Variants in AHSA1 observed in about 807,000 individuals in gnomAD.
AHSA1 encodes the protein activator of 90 kDa heat shock protein ATPase homolog 1.
A neutral mutation model predicts 46.1 loss-of-function variants in AHSA1; 14 were observed. That is an observed-to-expected ratio of 0.30 (90% CI 0.20 to 0.47). The LOEUF (loss-of-function observed/expected upper bound fraction) is 0.47. AHSA1 is among the 20% of genes least tolerant of loss of function. AHSA1 has a pLI of 0.99. For missense variants in AHSA1, 333 were observed against 415.9 expected, an observed-to-expected ratio of 0.80 and a Z score of 1.73; for synonymous variants, 147 against 145.8, an observed-to-expected ratio of 1.01 and a Z score of -0.06.
At position 77,462,183 on chromosome 14, in the gene AHSA1, T is replaced by G. The variant is rs766450478; in HGVS notation, c.295T>G (p.Tyr99Asp). ...AGGTACTTCTAAGTCAGGAGTACAA[T>G]ACAAAGGACATGTGGAGATCCCCAA... ...WTGTSKSGVQ[Y>D]KGHVEIPNLS... Residue 99 changes from tyrosine (Y) to aspartate (D), a missense_variant, in exon 3 of 9, where the codon TAC becomes GAC. Physicochemically the swap from Tyr to Asp is radical, Grantham distance 160. Coordinates refer to ENST00000216479, the MANE Select transcript of AHSA1 (RefSeq NM_012111.3). The G allele has an allele frequency of 3.8e-5, 61 of 1,613,190 alleles. No homozygotes were observed. The highest frequency in any genetic ancestry group is 5.3e-5 in the African/African-American group (4 of 74,900).
intron 2 of AHSA1, chr14:77,460,212 G>A (rs1271924394): frequency 4.6e-6 from 1 of 216,524 alleles, no homozygotes; most frequent in Non-Finnish European, 9.4e-6. Flanking sequence ...CTGCGCTAAT[G>A]AAGCTTGTGT....
Position 77,469,108 on chromosome 14 carries a change from C to A in AHSA1, c.876C>A (p.Ile292=). ...TTGCCACCATCACCTTGACCTTCAT[C>A]GACAAGAACGGAGAGACTGAGCTGT... The part of the protein sequence containing the change: ...GHFATITLTF[I]DKNGETELCM... Residue 292 remains isoleucine, a synonymous_variant, in exon 9 of 9, where the codon ATC becomes ATA. Transcript: ENST00000216479. 6.2e-7 allele frequency: 1 copy of A among 1,614,136 alleles called. No homozygotes were observed. The highest frequency in any genetic ancestry group is 8.5e-7 in the Non-Finnish European group (1 of 1,180,020).
rs1000486366 is a variant in AHSA1 at position 77,469,461 on chromosome 14, A to G, written c.*212A>G. 1.0e-5 allele frequency: 5 copies of G among 477,638 alleles called. No homozygotes were observed. Among genetic ancestry groups the G allele is most frequent in the Non-Finnish European group, 1.8e-5 (5 of 272,344 alleles). The allele number at this position is 477,638 out of a possible 1,614,324, so 29.6% of individuals were successfully genotyped here. ...TGTGTACATATGCTAAATAAACATA[A>G]TTTAAAAAACATGCGTGTCTGGAAC... On this transcript the variant is annotated 3_prime_UTR_variant, in exon 9 of 9. Transcript: ENST00000216479.
Position 77,465,658 on chromosome 14 carries a change from C to T in AHSA1, c.681C>T (p.Thr227=). Residue 227 remains threonine, a synonymous_variant, in exon 6 of 9, where the codon ACC becomes ACT. Transcript: ENST00000216479. ...CAGAGGAGCTCTATAGAGTGTTTAC[C>T]ACCCAAGAGGTAAGTAAGTCTTGTC... ...TSPEELYRVF[T]TQELVQAFTH... is the part of the protein sequence containing the mutation. The T allele has an allele frequency of 1.9e-6, 3 of 1,613,420 alleles. No individual in the cohort carries two copies. In the South Asian group the frequency reaches 3.3e-5, roughly 18 times the overall value.
chr14:77,462,791 G>A (rs771455797), intron 4 of AHSA1, 32 bp downstream of exon 4: 4 of 1,583,348 alleles, frequency 2.5e-6, no homozygotes, highest in South Asian at 1.1e-5. Context: ...ATGCCTTAAG[G>A]AGGTAGTTTC....
intron 8 of AHSA1, 49 bp downstream of exon 8, chr14:77,468,557 C>A: frequency 1.4e-6 from 2 of 1,404,972 alleles, no homozygotes; most frequent in Non-Finnish European, 9.9e-7. Flanking sequence ...TTTCTCTTTG[C>A]TGTAATTTTT....
At chr14:77,468,554 T>G in intron 8 of AHSA1, 46 bp downstream of exon 8, 1 of 1,529,438 alleles carries the variant, frequency 6.5e-7, no homozygotes. Context: ...CTTTTTCTCT[T>G]TGCTGTAATT....
chr14:77,463,893 AGTT>A (rs935042686), intron 4 of AHSA1, among the ~76,000 whole-genome samples: 3 of 152,196 alleles, frequency 2.0e-5, no homozygotes, highest in Non-Finnish European at 2.9e-5. Flanking sequence ...TGCCATAACT[AGTT>A]GTGGCTTTTC....
chr14:77,458,847 C>T (rs1280725289), intron 1 of AHSA1, among the ~76,000 whole-genome samples: 1 of 152,052 alleles, frequency 6.6e-6, no homozygotes, highest in Non-Finnish European at 1.5e-5. Flanking sequence ...TATAACCTGA[C>T]CGTTCTTAAA....
chr14:77,458,379 G>A (rs778494290), intron 1 of AHSA1, 110 bp downstream of exon 1: 24 of 1,140,036 alleles, frequency 2.1e-5, no homozygotes, highest in Non-Finnish European at 2.9e-5. Flanking sequence ...AGCCCTGTCC[G>A]GAGATGGGGG....
rs1468444240 is a variant in AHSA1 at position 77,462,152 on chromosome 14, T to C, written c.272-8T>C. ...AGTGGACTAATGACATTGCATTGGTTTTGACAGGTACTTCTAAGTCAGGAG... is the reference window on the plus strand; with the variant it reads ...AGTGGACTAATGACATTGCATTGGTCTTGACAGGTACTTCTAAGTCAGGAG... On this transcript the variant is annotated splice_region_variant and splice_polypyrimidine_tract_variant and intron_variant, in intron 2 of 8. Transcript: ENST00000216479. 6.2e-7 allele frequency: 1 copy of C among 1,603,424 alleles called. No homozygotes were observed. Among genetic ancestry groups the C allele is most frequent in the East Asian group, 2.2e-5 (1 of 44,798 alleles).
At chr14:77,468,745 TACTTTTTTAC>T (rs2079060172) in intron 8 of AHSA1, 8 of 358,140 alleles carry the variant, frequency 2.2e-5, no homozygotes, top group East Asian at 1.3e-4. Context: ...TTTTTTTTTT[TACTTTTTTAC>T]TTTTTTTGTA....
chr14:77,458,159 C>A lies in AHSA1; in HGVS notation c.-31C>A. The A allele has an allele frequency of 6.6e-7, 1 of 1,510,638 alleles. No homozygotes were observed. The highest frequency in any genetic ancestry group is 8.8e-7 in the Non-Finnish European group (1 of 1,131,448). The allele number at this position is 1,510,638 out of a possible 1,614,324, so 93.6% of individuals were successfully genotyped here. On this transcript the variant is annotated 5_prime_UTR_variant, in exon 1 of 9. Transcript: ENST00000216479. ...CCTGAGGCTGTGGCTACGGCTGCTC[C>A]GGAGCTGGTGGCGCCGCGATAGGAG...
chr14:77,462,527 G>A (rs2079030220), intron 3 of AHSA1, 115 bp from the exon 4 acceptor site: 2 of 962,040 alleles, frequency 2.1e-6, no homozygotes, highest in Non-Finnish European at 3.4e-6. Flanking sequence ...GAATACCGCA[G>A]TACTCATGCA....
At chr14:77,457,966 A>C, upstream of AHSA1, 2 of 528,464 alleles carry the variant, frequency 3.8e-6, no homozygotes, top group Non-Finnish European at 6.6e-6. Flanking sequence ...GGATCTCTAA[A>C]TCAGGCGGAA....
At chr14:77,464,754 C>T (rs2139941587) in intron 5 of AHSA1, 68 bp downstream of exon 5, 4 of 1,358,850 alleles carry the variant, frequency 2.9e-6, no homozygotes, top group Non-Finnish European at 4.1e-6. Context: ...CTTAATTCCA[C>T]ATATCAGCTC....
rs529548993 is a variant in AHSA1 at position 77,458,150 on chromosome 14, C to T, written c.-40C>T. 3.3e-6 allele frequency: 5 copies of T among 1,503,834 alleles called. No homozygotes were observed. Among genetic ancestry groups the T allele is most frequent in the Non-Finnish European group, 4.4e-6 (5 of 1,127,168 alleles). The allele number at this position is 1,503,834 out of a possible 1,614,324, so 93.2% of individuals were successfully genotyped here. A position where few individuals can be genotyped will look rare whatever the true frequency, so the allele number is the denominator to read the frequency against. On this transcript the variant is annotated 5_prime_UTR_variant, in exon 1 of 9. It adds an upstream start codon to the 5' untranslated region. Coordinates refer to ENST00000216479, the MANE Select transcript of AHSA1 (RefSeq NM_012111.3). The stretch of plus-strand genomic sequence containing the variant: ...CTAAGCGGTCCTGAGGCTGTGGCTA[C>T]GGCTGCTCCGGAGCTGGTGGCGCCG...
At chr14:77,462,527 G>C (rs2079030220) in intron 3 of AHSA1, 115 bp from the exon 4 acceptor site, 2 of 962,040 alleles carry the variant, frequency 2.1e-6, no homozygotes, top group Non-Finnish European at 3.4e-6. Flanking sequence ...GAATACCGCA[G>C]TACTCATGCA....
At chr14:77,457,945 T>G (rs1469254386), upstream of AHSA1, 1 of 515,838 alleles carries the variant, frequency 1.9e-6, no homozygotes, top group Non-Finnish European at 3.4e-6. Flanking sequence ...GAGAACCCGA[T>G]GGAGTCTGAA....
Sources: gnomAD v4.1 joint callset for allele counts (sites outside exome capture counted in the v4.1 genomes callset) on GRCh38, gnomAD v4.1.1 for gene constraint, MANE v1.5 for transcripts, NCBI Gene and HGNC (gene_info 2026-07-23, HGNC 2026-07-21) for gene names.